Variants in COG5 observed in about 807,000 individuals in gnomAD.
The protein encoded by COG5 is conserved oligomeric Golgi complex subunit 5.
A neutral mutation model predicts 110.4 loss-of-function variants in COG5; 86 were observed. The observed-to-expected ratio is 0.78, with a 90% CI of 0.65 to 0.93. The LOEUF (loss-of-function observed/expected upper bound fraction) is 0.93. Ranked by LOEUF, COG5 falls within the 40% of genes least tolerant of loss-of-function variation. COG5 has a pLI of 0.00. For missense variants in COG5, 1,077 were observed against 987.0 expected, an observed-to-expected ratio of 1.09 and a Z score of -1.22; for synonymous variants, 360 against 334.6, an observed-to-expected ratio of 1.08 and a Z score of -0.83.
At chr7:107,442,148 C>T (rs187518284) in intron 6 of COG5, among the ~76,000 whole-genome samples, 2 of 152,160 alleles carry the variant, frequency 1.3e-5, no homozygotes, top group Non-Finnish European at 2.9e-5. Context: ...GACATCCCCC[C>T]CTGTTCTTGT....
chr7:107,210,755 GGT>G, intron 20 of COG5, 150 bp from the exon 21 acceptor site: 3 of 916,480 alleles, frequency 3.3e-6, no homozygotes, highest in Non-Finnish European at 5.1e-6. Flanking sequence ...CATAGGCCTT[GGT>G]GCACCTTCCT....
At chr7:107,437,020 T>A (rs898210558) in intron 6 of COG5, among the ~76,000 whole-genome samples, 1 of 152,166 alleles carries the variant, frequency 6.6e-6, no homozygotes, top group Non-Finnish European at 1.5e-5. Flanking sequence ...ATTGACCAAG[T>A]CAAAAATCAG....
At chr7:107,339,068 A>ATT (rs1810954735) in intron 10 of COG5, among the ~76,000 whole-genome samples, 1 of 152,190 alleles carries the variant, frequency 6.6e-6, no homozygotes, top group African/African-American at 2.4e-5. Flanking sequence ...TCCAGGTAAA[A>ATT]GACACAGAAT....
At position 107,236,584 on chromosome 7, in the gene COG5, C is replaced by G; in HGVS notation, c.1957G>C (p.Glu653Gln). 2 of 1,614,060 alleles carry G rather than the reference C, an allele frequency of 1.2e-6. No homozygotes were observed. Among genetic ancestry groups the G allele is most frequent in the Non-Finnish European group, 8.5e-7 (1 of 1,179,966 alleles). The change falls in exon 18 of 22, where the codon GAA (glutamate) becomes CAA (glutamine). Residue 653 changes from glutamate (E) to glutamine (Q), a missense_variant. Coordinates refer to ENST00000297135, the MANE Select transcript of COG5 (RefSeq NM_006348.5). ...RVMSDYFKHF[E>Q]CLDFVFDNTE... ...TTGTCAAAGACAAAATCCAAGCATT[C>G]AAAGTGTTTAAAATAGTCACTCATA...
chr7:107,287,133 C>T (rs1805708777), intron 12 of COG5, among the ~76,000 whole-genome samples: 1 of 152,142 alleles, frequency 6.6e-6, no homozygotes, highest in African/African-American at 2.4e-5. Context: ...TTTTCAAAGA[C>T]AGTTTACTGG....
intron 18 of COG5, among the ~76,000 whole-genome samples, chr7:107,233,790 C>T (rs1002840974): frequency 6.6e-6 from 1 of 152,054 alleles, no homozygotes; most frequent in Non-Finnish European, 1.5e-5. Flanking sequence ...CCAGTTGATG[C>T]CTGTCATGAA....
In COG5 at chr7:107,479,627, C is replaced by G. The variant is rs187718653; in HGVS notation, c.538+47610G>C. Among the ~76,000 whole-genome samples, 285 of 152,202 alleles carry G rather than the reference C, an allele frequency of 1.9e-3. 2 individuals carry two copies. Among genetic ancestry groups the G allele is most frequent in the African/African-American group, 6.6e-3 (276 of 41,526 alleles). The stretch of plus-strand genomic sequence containing the variant: ...TGACCATAAGGAAGACCATAAGAAA[C>G]AGATTACCCGCAATACTCAAATAAC... On this transcript the variant is annotated intron_variant, in intron 6 of 21. Transcript: ENST00000297135.
chr7:107,266,588 T>C (rs557334635), intron 14 of COG5, among the ~76,000 whole-genome samples: 44 of 152,250 alleles, frequency 2.9e-4, no homozygotes, highest in African/African-American at 1.1e-3. Context: ...ATTTTACGAG[T>C]CCTTCCTAGG....
chr7:107,293,801 G>A (rs7803151), intron 12 of COG5, among the ~76,000 whole-genome samples: 28,971 of 152,068 alleles, frequency 0.19, 3,289 homozygotes, highest in East Asian at 0.31. Flanking sequence ...GGCAGGGTGC[G>A]GTGACTCAGG....
intron 18 of COG5, among the ~76,000 whole-genome samples, chr7:107,230,916 A>T (rs367871673): frequency 1.5e-4 from 4 of 26,154 alleles, no homozygotes; most frequent in East Asian, 1.1e-3. Context: ...TCATGAAAAT[A>T]AAAAAAAAAC....
intron 17 of COG5, among the ~76,000 whole-genome samples, chr7:107,241,461 A>AT (rs930841531): frequency 7.2e-5 from 10 of 138,302 alleles, no homozygotes; most frequent in East Asian, 2.1e-4. Flanking sequence ...TTATTTATTT[A>AT]TTTTTTTTTG....
At chr7:107,383,584 A>G (rs1183283417) in intron 7 of COG5, among the ~76,000 whole-genome samples, 2 of 152,062 alleles carry the variant, frequency 1.3e-5, no homozygotes, top group Non-Finnish European at 2.9e-5. Flanking sequence ...GTGCCTGCCA[A>G]GGTTGCTGGA....
chr7:107,508,274 G>A (rs543286162), intron 6 of COG5, among the ~76,000 whole-genome samples: 26 of 152,322 alleles, frequency 1.7e-4, no homozygotes, highest in African/African-American at 5.5e-4. Flanking sequence ...ACAGAGTCTC[G>A]CTGATTGCTA....
chr7:107,284,927 C>G (rs1376765836), intron 12 of COG5, among the ~76,000 whole-genome samples: 1 of 152,168 alleles, frequency 6.6e-6, no homozygotes, highest in Admixed American at 6.5e-5. Context: ...TTTAAAACAT[C>G]TAACCTGCTC....
chr7:107,372,415 A>G (rs1278987326), intron 8 of COG5, among the ~76,000 whole-genome samples, 180 bp downstream of exon 8: 1 of 152,166 alleles, frequency 6.6e-6, no homozygotes, highest in Non-Finnish European at 1.5e-5. Context: ...TGGCCAGTTC[A>G]ATTCACTGAT....
intron 19 of COG5, among the ~76,000 whole-genome samples, chr7:107,214,707 G>C (rs538641674): frequency 6.6e-6 from 1 of 152,164 alleles, no homozygotes; most frequent in South Asian, 2.1e-4. Context: ...GGATCACTTT[G>C]GGCCAGAAGT....
intron 8 of COG5, among the ~76,000 whole-genome samples, chr7:107,371,692 T>C (rs1249498481): frequency 6.6e-6 from 1 of 152,142 alleles, no homozygotes; most frequent in Non-Finnish European, 1.5e-5. Context: ...TTAAGATATA[T>C]TTATTTAATT....
At chr7:107,519,328 C>A (rs183645754) in intron 6 of COG5, among the ~76,000 whole-genome samples, 1 of 151,682 alleles carries the variant, frequency 6.6e-6, no homozygotes, top group African/African-American at 2.4e-5. Flanking sequence ...GACACAGACA[C>A]GAAAAATCCT....
At chr7:107,534,395 T>A (rs1462723584) in intron 5 of COG5, among the ~76,000 whole-genome samples, 1 of 151,450 alleles carries the variant, frequency 6.6e-6, no homozygotes, top group Non-Finnish European at 1.5e-5. Flanking sequence ...TTAAGACCCA[T>A]TCATGTGATG....
Sources: gnomAD v4.1 joint callset for allele counts (sites outside exome capture counted in the v4.1 genomes callset) on GRCh38, gnomAD v4.1.1 for gene constraint, MANE v1.5 for transcripts, NCBI Gene and HGNC (gene_info 2026-07-23, HGNC 2026-07-21) for gene names.